DLG1: variants seen among roughly 807,000 people sequenced by gnomAD.
The protein encoded by DLG1 is disks large homolog 1.
DLG1 carries 42 observed loss-of-function variants against 123.4 expected under a neutral mutation model. The ratio of observed to expected loss-of-function variants is 0.34; its 90% confidence interval spans 0.27 to 0.44. DLG1 has a LOEUF of 0.44. Among genes scored for constraint, DLG1 ranks in the 20% least tolerant of loss-of-function variants. The pLI, the probability that DLG1 is intolerant of heterozygous loss-of-function variation, is 1.00. For missense variants in DLG1, 942 were observed against 1,082.6 expected, an observed-to-expected ratio of 0.87 and a Z score of 1.82; for synonymous variants, 317 against 356.2, an observed-to-expected ratio of 0.89 and a Z score of 1.24.
At chr3:197,069,933 A>G (rs1474917551) in intron 18 of DLG1, 1 of 152,238 alleles carries the variant, frequency 6.6e-6, no homozygotes, top group Non-Finnish European at 1.5e-5. Flanking sequence ...TTTAAAACCA[A>G]CTAATATTTC....
chr3:197,193,591 A>G lies in DLG1; in HGVS notation c.483+834T>C, dbSNP rs748353946. Reference sequence around the variant, plus strand: ...AAATAGAAAACTCTAAAGCAGTGAAATTTATCAATGTGAGGAATGTAATAC... The same window carrying G: ...AAATAGAAAACTCTAAAGCAGTGAAGTTTATCAATGTGAGGAATGTAATAC... On this transcript the variant is annotated intron_variant, in intron 5 of 24. Coordinates refer to ENST00000667157, the MANE Select transcript of DLG1 (RefSeq NM_001366207.1). Among the ~76,000 whole-genome samples the G allele has an allele frequency of 1.4e-4, 22 of 152,336 alleles. No homozygotes were observed. The Middle Eastern group carries it at 0.01, about 71-fold the overall frequency.
At chr3:197,266,562 A>G (rs1262418801) in intron 4 of DLG1, among the ~76,000 whole-genome samples, 1 of 152,112 alleles carries the variant, frequency 6.6e-6, no homozygotes, top group Admixed American at 6.5e-5. Flanking sequence ...GCAGTGGGCC[A>G]TGACCACATC....
rs1475433177 is a variant in DLG1, at chr3:197,051,678, T to TA, written c.2484-11dup. The TA allele has an allele frequency of 1.9e-6, 3 of 1,602,274 alleles. No homozygotes were observed. The highest frequency in any genetic ancestry group is 2.6e-6 in the Non-Finnish European group (3 of 1,170,506). ...ACGCTTATTCATTTCCCTACGAAAA[T>TA]AAATGTAGAAATTGATAATTACCAA... On this transcript the variant is annotated splice_polypyrimidine_tract_variant and intron_variant, in intron 23 of 24. Coordinates refer to ENST00000667157, the MANE Select transcript of DLG1 (RefSeq NM_001366207.1).
chr3:197,186,639 G>A (rs551590330), intron 5 of DLG1, among the ~76,000 whole-genome samples: 149 of 152,198 alleles, frequency 9.8e-4, no homozygotes, highest in Non-Finnish European at 1.5e-3. Flanking sequence ...GTAATAAAAA[G>A]TTAAAAATTT....
intron 13 of DLG1, among the ~76,000 whole-genome samples, chr3:197,110,400 T>G (rs1769212357): frequency 6.6e-6 from 1 of 152,226 alleles, no homozygotes; most frequent in African/African-American, 2.4e-5. Flanking sequence ...ATATTGTTCC[T>G]TTACTTTCAT....
In DLG1 at chr3:197,204,291, T is replaced by C. The variant is rs569163222; in HGVS notation, c.319-9702A>G. On this transcript the variant is annotated intron_variant, in intron 4 of 24. Coordinates refer to ENST00000667157, the MANE Select transcript of DLG1 (RefSeq NM_001366207.1). ...ACGGTTTAATATGAAGCTGCAGGAA[T>C]AGAAACAGAAGAATCCTATAACAAT... is the stretch of plus-strand genomic sequence containing the variant. Among the ~76,000 whole-genome samples the C allele has an allele frequency of 1.3e-3, 192 of 152,338 alleles. 1 individual carries two copies. Among genetic ancestry groups the C allele is most frequent in the Middle Eastern group, 3.4e-3 (1 of 294 alleles).
At chr3:197,058,808 AC>A (rs1487055245) in intron 23 of DLG1, among the ~76,000 whole-genome samples, 1 of 152,206 alleles carries the variant, frequency 6.6e-6, no homozygotes, top group Non-Finnish European at 1.5e-5. Context: ...TGTTGGAATT[AC>A]TTTTCGCCCC....
At chr3:197,080,213 G>C (rs1750000238) in intron 17 of DLG1, among the ~76,000 whole-genome samples, 1 of 145,636 alleles carries the variant, frequency 6.9e-6, no homozygotes, top group Admixed American at 6.9e-5. Flanking sequence ...GACTTAAAGT[G>C]AAGGAAAAAT....
chr3:197,055,441 T>C (rs1394109639), intron 23 of DLG1, among the ~76,000 whole-genome samples: 1 of 152,262 alleles, frequency 6.6e-6, no homozygotes, highest in African/African-American at 2.4e-5. Flanking sequence ...ACTACACATT[T>C]AAATCTTACA....
rs543584119 is a variant in DLG1 at position 197,186,175 on chromosome 3, C to CA, written c.483+8249dup. 7.0e-4 allele frequency among the ~76,000 whole-genome samples: 107 copies of CA among 152,226 alleles called. 1 individual carries two copies. Among genetic ancestry groups the CA allele is most frequent in the African/African-American group, 2.3e-3 (97 of 41,536 alleles). ...TTGGCCAGTAGTCAGTATATGCACA[C>CA]AAAAAATCTATACCTAAATCACAAG... is the stretch of plus-strand genomic sequence containing the variant. On this transcript the variant is annotated intron_variant, in intron 5 of 24. Coordinates refer to ENST00000667157, the MANE Select transcript of DLG1 (RefSeq NM_001366207.1).
At chr3:197,176,006 ACTT>A (rs1351739636) in intron 5 of DLG1, among the ~76,000 whole-genome samples, 1 of 152,138 alleles carries the variant, frequency 6.6e-6, no homozygotes, top group South Asian at 2.1e-4. Context: ...AGCCTGTGAA[ACTT>A]CTTTTTGCCT....
rs1479220049 is a variant in DLG1, at chr3:197,065,536, T to C, written c.2201-88A>G. 5 of 1,220,014 alleles carry C rather than the reference T, an allele frequency of 4.1e-6. No individual in the cohort carries two copies. The African/African-American group carries it at 7.6e-5, about 19-fold the overall frequency. 75.6% of individuals were successfully genotyped at this position (1,220,014 alleles called of 1,614,324 possible). On this transcript the variant is annotated intron_variant, in intron 21 of 24. Coordinates refer to ENST00000667157, the MANE Select transcript of DLG1 (RefSeq NM_001366207.1). ...TTTCTACTTACATCGTTTTGTAAAG[T>C]TCAACAGAACAGATTAATTTAAATC...
chr3:197,241,399 G>A lies in DLG1; in HGVS notation c.318+41280C>T, dbSNP rs565754757. Among the ~76,000 whole-genome samples, 7 of 151,874 alleles carry A rather than the reference G, an allele frequency of 4.6e-5. No individual in the cohort carries two copies. In the East Asian group the frequency reaches 9.7e-4, roughly 21 times the overall value. On this transcript the variant is annotated intron_variant, in intron 4 of 24. Coordinates refer to ENST00000667157, the MANE Select transcript of DLG1 (RefSeq NM_001366207.1). ...ACAAGACTCATATTACAAAAAAAAT[G>A]CTAAAAGGAATTACTCAATCTGGAA...
chr3:197,161,243 T>C (rs1798642786), intron 5 of DLG1, among the ~76,000 whole-genome samples: 1 of 152,132 alleles, frequency 6.6e-6, no homozygotes, highest in Non-Finnish European at 1.5e-5. Context: ...AGAAGATAAA[T>C]ATATAACAGG....
chr3:197,062,382 T>C (rs1736453748), intron 22 of DLG1, among the ~76,000 whole-genome samples: 1 of 152,228 alleles, frequency 6.6e-6, no homozygotes, highest in South Asian at 2.1e-4. Context: ...TATGCATCAC[T>C]TTTGCGCCTC....
intron 11 of DLG1, among the ~76,000 whole-genome samples, chr3:197,123,991 C>G (rs1273306362): frequency 6.6e-6 from 1 of 152,146 alleles, no homozygotes; most frequent in Non-Finnish European, 1.5e-5. Context: ...TGCAGTGGCT[C>G]CTATCTGCAA....
At chr3:197,098,582 C>A (rs928660179) in intron 14 of DLG1, among the ~76,000 whole-genome samples, 1 of 152,106 alleles carries the variant, frequency 6.6e-6, no homozygotes. Context: ...TTGCTCAGGC[C>A]GGAGTGCAGT....
chr3:197,069,377 TTTTC>T (rs141275079), intron 18 of DLG1, 117 bp from the exon 19 acceptor site: 25,443 of 559,516 alleles, frequency 0.045, 919 homozygotes, highest in Middle Eastern at 0.17. Flanking sequence ...TTTAAAAGCA[TTTTC>T]TTTTTCTTTG....
intron 15 of DLG1, among the ~76,000 whole-genome samples, chr3:197,089,196 GT>G (rs1756240708): frequency 6.6e-6 from 1 of 152,210 alleles, no homozygotes; most frequent in African/African-American, 2.4e-5. Flanking sequence ...GCCGGTGACA[GT>G]TGTTTTTCAT....
Sources: gnomAD v4.1 joint callset for allele counts (sites outside exome capture counted in the v4.1 genomes callset) on GRCh38, gnomAD v4.1.1 for gene constraint, MANE v1.5 for transcripts, NCBI Gene and HGNC (gene_info 2026-07-23, HGNC 2026-07-21) for gene names.